Variants in SEPTIN9 observed in about 807,000 individuals in gnomAD.
SEPTIN9 encodes septin 9.
SEPTIN9 carries 13 observed loss-of-function variants against 56.6 expected under a neutral mutation model. That is an observed-to-expected ratio of 0.23 (90% CI 0.15 to 0.37). The LOEUF (loss-of-function observed/expected upper bound fraction) is 0.37. Among genes scored for constraint, SEPTIN9 ranks in the 10% least tolerant of loss-of-function variants. SEPTIN9 has a pLI of 1.00. For missense variants in SEPTIN9, 650 were observed against 823.1 expected, an observed-to-expected ratio of 0.79 and a Z score of 2.57; for synonymous variants, 332 against 334.1, an observed-to-expected ratio of 0.99 and a Z score of 0.07.
At chr17:77,362,652 G>A (rs560899296) in intron 2 of SEPTIN9, among the ~76,000 whole-genome samples, 2 of 152,340 alleles carry the variant, frequency 1.3e-5, no homozygotes, top group Middle Eastern at 6.8e-3. Flanking sequence ...CTGTGCCTTC[G>A]CAGTCTGAGC....
chr17:77,413,371 A>T (rs560396528), intron 3 of SEPTIN9, among the ~76,000 whole-genome samples: 1 of 152,060 alleles, frequency 6.6e-6, no homozygotes, highest in Non-Finnish European at 1.5e-5. Flanking sequence ...CTTAAAATTC[A>T]TTACTATTTT....
intron 10 of SEPTIN9, 158 bp from the exon 11 acceptor site, chr17:77,497,157 C>T: frequency 5.5e-6 from 4 of 731,432 alleles, no homozygotes; most frequent in Non-Finnish European, 9.9e-6. Context: ...GTGTCCTATA[C>T]TCAGCTGCAG....
chr17:77,346,767 C>T (rs768530587), intron 2 of SEPTIN9, among the ~76,000 whole-genome samples: 34 of 152,062 alleles, frequency 2.2e-4, no homozygotes, highest in Non-Finnish European at 4.0e-4. Context: ...TTGCTATGGC[C>T]TACCTGTTTG....
At chr17:77,364,431 C>T (rs1294963775) in intron 2 of SEPTIN9, among the ~76,000 whole-genome samples, 1 of 152,254 alleles carries the variant, frequency 6.6e-6, no homozygotes, top group African/African-American at 2.4e-5. Flanking sequence ...GGAAGCGTCC[C>T]ACTCCTGGGG....
In SEPTIN9 at chr17:77,329,543, C is replaced by A. The variant is rs2033268677; in HGVS notation, c.76+22346C>A. On this transcript the variant is annotated intron_variant, in intron 2 of 11. Coordinates refer to ENST00000427177, the MANE Select transcript of SEPTIN9 (RefSeq NM_001113491.2). This position sits in a 1 kb window ranked among gnomAD's most constrained non-coding sequence, Gnocchi z 4.3. ...GGGAAGGTTGGGTACCTGGCAGCCT[C>A]AAGGCAGGAGCTGGGGTGTTGGAGG... Among the ~76,000 whole-genome samples, 1 of 152,168 alleles carries A rather than the reference C, an allele frequency of 6.6e-6. No individual in the cohort carries two copies. The highest frequency in any genetic ancestry group is 2.4e-5 in the African/African-American group (1 of 41,444).
chr17:77,477,888 G>A (rs1047584150), intron 3 of SEPTIN9, among the ~76,000 whole-genome samples: 5 of 152,146 alleles, frequency 3.3e-5, no homozygotes, highest in African/African-American at 4.8e-5. Context: ...CTGGATACCC[G>A]AAAGAATGGA....
intron 3 of SEPTIN9, among the ~76,000 whole-genome samples, chr17:77,412,699 C>T (rs1056429493): frequency 6.6e-6 from 1 of 151,674 alleles, no homozygotes; most frequent in Non-Finnish European, 1.5e-5. Flanking sequence ...GCACTCCAGC[C>T]TGGGTGACAG....
intron 1 of SEPTIN9, chr17:77,286,426 G>A: frequency 6.6e-6 from 1 of 152,576 alleles, no homozygotes; most frequent in Non-Finnish European, 1.5e-5. Flanking sequence ...AGTGTGACCA[G>A]CTCAAGCCAG....
Position 77,492,950 on chromosome 17 carries a change from T to A in SEPTIN9, c.1477-30T>A. ...GGAGGGAATTGCCTTCCCGCACATGTGTAACCAATACCGTCTGCCCGTTCC... is the reference window on the plus strand; with the variant it reads ...GGAGGGAATTGCCTTCCCGCACATGAGTAACCAATACCGTCTGCCCGTTCC... On this transcript the variant is annotated intron_variant, in intron 9 of 11. Transcript: ENST00000427177. The surrounding 1 kb of genome is among the most constrained non-coding windows in gnomAD (Gnocchi z 5.4). 1 of 1,547,976 alleles carries A rather than the reference T, an allele frequency of 6.5e-7. No homozygotes were observed.
At chr17:77,463,585 G>A (rs1225100672) in intron 3 of SEPTIN9, among the ~76,000 whole-genome samples, 1 of 152,108 alleles carries the variant, frequency 6.6e-6, no homozygotes, top group Non-Finnish European at 1.5e-5. Flanking sequence ...GCTCATGCCT[G>A]TAATCCTAGC....
At chr17:77,336,837 T>C (rs2033568788) in intron 2 of SEPTIN9, among the ~76,000 whole-genome samples, 1 of 152,200 alleles carries the variant, frequency 6.6e-6, no homozygotes, top group Non-Finnish European at 1.5e-5. Flanking sequence ...ATGACCTTTG[T>C]CAGATTGAGG....
chr17:77,307,010 G>C (rs549248578), intron 1 of SEPTIN9, 131 bp from the exon 2 acceptor site: 251 of 886,242 alleles, frequency 2.8e-4, no homozygotes, highest in Middle Eastern at 2.6e-3. Flanking sequence ...TCTGTCCCCA[G>C]ATGGGCCCCG....
chr17:77,317,417 C>G lies in SEPTIN9; in HGVS notation c.76+10220C>G, dbSNP rs944932553. 6.6e-6 allele frequency among the ~76,000 whole-genome samples: 1 copy of G among 152,198 alleles called. No individual in the cohort carries two copies. Among genetic ancestry groups the G allele is most frequent in the East Asian group, 1.9e-4 (1 of 5,198 alleles). On this transcript the variant is annotated intron_variant, in intron 2 of 11. Transcript: ENST00000427177. The surrounding 1 kb of genome is among the most constrained non-coding windows in gnomAD (Gnocchi z 4.2). ...CACTCCCCATTGCTCGCATTACTGCCCAAGCTCTGCCTCCTGTCTGATCAG... is the reference window on the plus strand; with the variant it reads ...CACTCCCCATTGCTCGCATTACTGCGCAAGCTCTGCCTCCTGTCTGATCAG...
chr17:77,412,129 CAA>C (rs756030644), intron 3 of SEPTIN9, among the ~76,000 whole-genome samples: 843 of 67,366 alleles, frequency 0.013, 8 homozygotes, highest in South Asian at 0.08. Flanking sequence ...GACTCCCTAT[CAA>C]AAAAAAAAAA....
At chr17:77,454,181 C>G (rs572702647) in intron 3 of SEPTIN9, 1 of 985,580 alleles carries the variant, frequency 1.0e-6, no homozygotes, top group East Asian at 1.1e-4. Flanking sequence ...TCGATACCAC[C>G]TGGGCTTTGG....
chr17:77,382,753 G>A (rs1401514464), intron 2 of SEPTIN9, among the ~76,000 whole-genome samples: 1 of 152,236 alleles, frequency 6.6e-6, no homozygotes, highest in Admixed American at 6.5e-5. Flanking sequence ...GCCCCTTGGG[G>A]TCGGGTGGGG....
intron 2 of SEPTIN9, among the ~76,000 whole-genome samples, chr17:77,388,221 A>G (rs1034083854): frequency 1.3e-5 from 2 of 152,032 alleles, no homozygotes; most frequent in African/African-American, 4.8e-5. Context: ...TCAGAGCAGG[A>G]GGGGCCCCGG....
chr17:77,388,810 C>CTTTTTTTTTTTTTTTTTT (rs5822196), intron 2 of SEPTIN9, among the ~76,000 whole-genome samples: 4 of 78,052 alleles, frequency 5.1e-5, no homozygotes, highest in African/African-American at 1.8e-4. Context: ...GTGTTAGGCG[C>CTTTTTTTTTTTTTTTTTT]TTTTTTTTTT....
intron 1 of SEPTIN9, among the ~76,000 whole-genome samples, chr17:77,300,123 G>T (rs1279904006): frequency 6.6e-6 from 1 of 152,160 alleles, no homozygotes; most frequent in African/African-American, 2.4e-5. Context: ...TTGAGACAGA[G>T]TCTTGGTCTT....
Sources: gnomAD v4.1 joint callset for allele counts (sites outside exome capture counted in the v4.1 genomes callset) on GRCh38, gnomAD v4.1.1 for gene constraint, Gnocchi (gnomAD v3.1) non-coding constraint, MANE v1.5 for transcripts, NCBI Gene and HGNC (gene_info 2026-07-23, HGNC 2026-07-21) for gene names.